PRLR: variants seen among roughly 807,000 people sequenced by gnomAD.
PRLR encodes prolactin receptor.
A neutral mutation model predicts 40.2 loss-of-function variants in PRLR; 13 were observed. The observed-to-expected ratio is 0.32, with a 90% CI of 0.21 to 0.51. PRLR has a LOEUF of 0.51. PRLR is among the 20% of genes least tolerant of loss of function. PRLR has a pLI of 0.97. For missense variants in PRLR, 656 were observed against 747.3 expected, an observed-to-expected ratio of 0.88 and a Z score of 1.42; for synonymous variants, 269 against 278.7, an observed-to-expected ratio of 0.97 and a Z score of 0.35.
At position 35,094,824 on chromosome 5, in the gene PRLR, CTT is replaced by C. The variant is rs143791323; in HGVS notation, c.-43-5163_-43-5162del. Among the ~76,000 whole-genome samples the C allele has an allele frequency of 1.9e-3, 215 of 113,964 alleles. 1 individual carries two copies. The highest frequency in any genetic ancestry group is 6.4e-3 in the African/African-American group (193 of 30,126). 74.8% of individuals were successfully genotyped at this position (113,964 alleles called of 152,430 possible). A position where few individuals can be genotyped will look rare whatever the true frequency, so the allele number is the denominator to read the frequency against. On this transcript the variant is annotated intron_variant, in intron 2 of 9. Transcript: ENST00000618457. ...TACCATTTGATTTCCAGGAGTTGGG[CTT>C]TTTTTTTTTTTTTTTTTTTGAGACG...
chr5:35,113,274 TATCC>T (rs146132323), intron 2 of PRLR, among the ~76,000 whole-genome samples: 12 of 135,864 alleles, frequency 8.8e-5, no homozygotes, highest in South Asian at 2.5e-4. Flanking sequence ...CCCACCCATT[TATCC>T]ATCCATCCAT....
chr5:35,150,441 A>G (rs1774308580), intron 1 of PRLR, among the ~76,000 whole-genome samples: 1 of 152,220 alleles, frequency 6.6e-6, no homozygotes, highest in Admixed American at 6.5e-5. Context: ...CATTCTTTGC[A>G]GCCTTGATAT....
At chr5:35,200,348 C>T (rs1240867900) in intron 1 of PRLR, among the ~76,000 whole-genome samples, 1 of 152,192 alleles carries the variant, frequency 6.6e-6, no homozygotes, top group East Asian at 1.9e-4. Context: ...TCTGAAAGCC[C>T]TGTTGCTCTA....
chr5:35,102,497 A>ACTCCACTCCTCTCCT (rs1771955593), intron 2 of PRLR, among the ~76,000 whole-genome samples: 3 of 68,770 alleles, frequency 4.4e-5, no homozygotes, highest in Non-Finnish European at 6.9e-5. Context: ...TCTCCTCTCC[A>ACTCCACTCCTCTCCT]CTCCTCTCCT....
At chr5:35,185,940 G>A (rs949340273) in intron 1 of PRLR, among the ~76,000 whole-genome samples, 1 of 152,168 alleles carries the variant, frequency 6.6e-6, no homozygotes, top group Admixed American at 6.5e-5. Context: ...GAATGTCGGG[G>A]TGGAACGGGA....
chr5:35,050,539 C>G (rs1037568817), intron 8 of PRLR, among the ~76,000 whole-genome samples: 2 of 152,028 alleles, frequency 1.3e-5, no homozygotes, highest in African/African-American at 4.8e-5. Flanking sequence ...AGGGGAGAAG[C>G]CTTTCATCAA....
At chr5:35,127,964 A>G (rs768413488) in intron 1 of PRLR, among the ~76,000 whole-genome samples, 4 of 152,130 alleles carry the variant, frequency 2.6e-5, no homozygotes, top group Non-Finnish European at 4.4e-5. Context: ...GATGGTCTCC[A>G]ACTTACTATA....
chr5:35,152,012 A>C (rs978634632), intron 1 of PRLR, among the ~76,000 whole-genome samples: 1 of 152,180 alleles, frequency 6.6e-6, no homozygotes, highest in Non-Finnish European at 1.5e-5. Flanking sequence ...ATCATAATAG[A>C]AAGGTGTTTT....
intron 2 of PRLR, among the ~76,000 whole-genome samples, chr5:35,106,881 A>G (rs940340079): frequency 6.6e-6 from 1 of 152,260 alleles, no homozygotes; most frequent in Non-Finnish European, 1.5e-5. Context: ...TGGACCTAAT[A>G]GACATTTACA....
At chr5:35,122,851 G>C (rs919648421) in intron 1 of PRLR, among the ~76,000 whole-genome samples, 3 of 152,196 alleles carry the variant, frequency 2.0e-5, no homozygotes, top group African/African-American at 7.2e-5. Context: ...AGAGGTACCA[G>C]GGTGGCTGAG....
chr5:35,095,005 A>G (rs1324050057), intron 2 of PRLR, among the ~76,000 whole-genome samples: 1 of 151,424 alleles, frequency 6.6e-6, no homozygotes, highest in Non-Finnish European at 1.5e-5. Context: ...ATTTTTGTAT[A>G]TTCTGCAGTG....
At chr5:35,224,923 A>AAAAT (rs1554057390) in intron 1 of PRLR, among the ~76,000 whole-genome samples, 1 of 151,736 alleles carries the variant, frequency 6.6e-6, no homozygotes, top group Non-Finnish European at 1.5e-5. Flanking sequence ...GCTAGTGGAC[A>AAAAT]AAAGAAACCA....
At chr5:35,146,883 G>C (rs1158683415) in intron 1 of PRLR, among the ~76,000 whole-genome samples, 1 of 152,164 alleles carries the variant, frequency 6.6e-6, no homozygotes. Context: ...TGGAGAAGAT[G>C]CAAGGAAGAT....
At chr5:35,184,886 C>A (rs2111987894) in intron 1 of PRLR, among the ~76,000 whole-genome samples, 1 of 152,336 alleles carries the variant, frequency 6.6e-6, no homozygotes, top group African/African-American at 2.4e-5. Flanking sequence ...AGCATAGTGC[C>A]ACACATATAG....
chr5:35,083,448 CTGTGTGTGTGTG>C (rs144426701), intron 5 of PRLR, among the ~76,000 whole-genome samples: 3 of 144,356 alleles, frequency 2.1e-5, no homozygotes, highest in Non-Finnish European at 3.0e-5. Flanking sequence ...TCCTCTCTCT[CTGTGTGTGTGTG>C]TGTGTGTGTG....
intron 9 of PRLR, among the ~76,000 whole-genome samples, chr5:35,066,826 T>C (rs985684528): frequency 1.5e-3 from 216 of 145,996 alleles, no homozygotes; most frequent in African/African-American, 5.0e-3. Flanking sequence ...TGCAGTGGCA[T>C]GATCTCGGAT....
intron 1 of PRLR, among the ~76,000 whole-genome samples, chr5:35,164,531 T>C (rs1774766167): frequency 6.6e-6 from 1 of 152,132 alleles, no homozygotes; most frequent in African/African-American, 2.4e-5. Context: ...GCTTGAGATG[T>C]TGAAAAGGCA....
chr5:35,200,730 G>A (rs1775859935), intron 1 of PRLR, among the ~76,000 whole-genome samples: 1 of 152,110 alleles, frequency 6.6e-6, no homozygotes, highest in African/African-American at 2.4e-5. Context: ...GGGCTTTCCA[G>A]GTCAGAGAGA....
intron 5 of PRLR, among the ~76,000 whole-genome samples, chr5:35,077,660 A>G (rs945857498): frequency 6.6e-6 from 1 of 152,184 alleles, no homozygotes. Flanking sequence ...CAGAAAGTTA[A>G]CAAGGATATC....
Sources: allele counts gnomAD v4.1 joint callset (sites outside exome capture counted in the v4.1 genomes callset), GRCh38; gene constraint gnomAD v4.1.1; transcripts MANE v1.5; gene names NCBI Gene and HGNC (gene_info 2026-07-23, HGNC 2026-07-21).